Variants in DCC observed in about 807,000 individuals in gnomAD.
DCC encodes the protein DCC netrin 1 receptor, also known as netrin receptor DCC.
A neutral mutation model predicts 172.5 loss-of-function variants in DCC; 58 were observed. The observed-to-expected ratio is 0.34, with a 90% CI of 0.27 to 0.42. The LOEUF (loss-of-function observed/expected upper bound fraction) is 0.42, where lower values mean the gene tolerates loss of function less well. Ranked by LOEUF, DCC falls within the 10% of genes least tolerant of loss-of-function variation. The probability of loss-of-function intolerance (pLI) is 1.00; values close to 1 mark genes in which losing one functional copy is unlikely to be tolerated. For synonymous variants in DCC, 709 were observed against 644.5 expected, an observed-to-expected ratio of 1.10 and a Z score of -1.52; for missense variants, 1,740 against 1,791.0, an observed-to-expected ratio of 0.97 and a Z score of 0.51.
chr18:53,053,644 G>C (rs948677526), intron 5 of DCC, among the ~76,000 whole-genome samples: 2 of 152,102 alleles, frequency 1.3e-5, no homozygotes, highest in Admixed American at 6.6e-5. Flanking sequence ...TACGCTTTTA[G>C]AATAGCCACA....
chr18:52,973,893 G>A (rs549621419), intron 5 of DCC, among the ~76,000 whole-genome samples: 14 of 151,982 alleles, frequency 9.2e-5, no homozygotes, highest in African/African-American at 1.4e-4. Context: ...AATTTCATTC[G>A]GTAGATCAAA....
chr18:53,179,370 AT>A (rs1290544828), intron 9 of DCC, among the ~76,000 whole-genome samples: 2 of 152,174 alleles, frequency 1.3e-5, no homozygotes, highest in African/African-American at 4.8e-5. Context: ...CTACTTATTC[AT>A]TTCCTAAGAA....
At chr18:52,799,944 G>C (rs1461000538) in intron 2 of DCC, among the ~76,000 whole-genome samples, 7 of 152,050 alleles carry the variant, frequency 4.6e-5, no homozygotes, top group African/African-American at 1.2e-4. Context: ...CCACTTGACG[G>C]GGAACTCTGT....
intron 2 of DCC, among the ~76,000 whole-genome samples, chr18:52,847,125 C>T (rs1208093804): frequency 2.6e-5 from 4 of 152,200 alleles, no homozygotes; most frequent in Non-Finnish European, 4.4e-5. Flanking sequence ...AAAATCCCTT[C>T]CTGTAACATA....
intron 12 of DCC, among the ~76,000 whole-genome samples, chr18:53,227,980 G>T (rs184357714): frequency 1.1e-4 from 17 of 152,198 alleles, no homozygotes; most frequent in African/African-American, 3.9e-4. Flanking sequence ...AAACAAAATT[G>T]ATATCTTTTT....
intron 3 of DCC, among the ~76,000 whole-genome samples, chr18:52,912,219 C>A (rs1943094): frequency 0.9 from 136,462 of 152,096 alleles, 61,669 homozygotes; most frequent in Middle Eastern, 0.97. Flanking sequence ...TATAAAATGT[C>A]GCAAGTAATA....
chr18:53,060,049 G>T (rs2042471460), intron 5 of DCC, among the ~76,000 whole-genome samples: 1 of 151,606 alleles, frequency 6.6e-6, no homozygotes, highest in South Asian at 2.1e-4. Context: ...TGTCACCCAG[G>T]CTGGAGAGCA....
At chr18:52,582,536 CA>C (rs768942516) in intron 1 of DCC, among the ~76,000 whole-genome samples, 7 of 152,148 alleles carry the variant, frequency 4.6e-5, no homozygotes, top group Non-Finnish European at 8.8e-5. Flanking sequence ...GTGACAATGC[CA>C]TTGAAGTTTT....
intron 5 of DCC, among the ~76,000 whole-genome samples, chr18:53,031,547 A>T (rs1261404167): frequency 6.6e-6 from 1 of 152,104 alleles, no homozygotes; most frequent in Non-Finnish European, 1.5e-5. Flanking sequence ...TATCTGCAGG[A>T]CTTAGTTATT....
intron 8 of DCC, among the ~76,000 whole-genome samples, chr18:53,164,580 G>C (rs780045839): frequency 1.3e-5 from 2 of 152,090 alleles, no homozygotes; most frequent in Non-Finnish European, 2.9e-5. Flanking sequence ...GTGTGACTTT[G>C]GGCCAATTAC....
chr18:52,653,029 C>T (rs2035173136), intron 1 of DCC, among the ~76,000 whole-genome samples: 1 of 152,114 alleles, frequency 6.6e-6, no homozygotes, highest in Non-Finnish European at 1.5e-5. Flanking sequence ...CCATATTTTA[C>T]TGTCTTTGAA....
At chr18:52,927,323 T>C (rs1311741557) in intron 5 of DCC, among the ~76,000 whole-genome samples, 1 of 151,236 alleles carries the variant, frequency 6.6e-6, no homozygotes, top group Non-Finnish European at 1.5e-5. Context: ...ATTTTTTCTT[T>C]GTGAATTGTG....
intron 1 of DCC, among the ~76,000 whole-genome samples, chr18:52,687,605 T>C (rs1382037986): frequency 6.6e-6 from 1 of 151,928 alleles, no homozygotes; most frequent in Non-Finnish European, 1.5e-5. Flanking sequence ...TGCAAATAAA[T>C]GTAGTTAACG....
chr18:53,146,501 G>A (rs1378633133), intron 7 of DCC, among the ~76,000 whole-genome samples: 3 of 152,174 alleles, frequency 2.0e-5, no homozygotes, highest in African/African-American at 4.8e-5. Context: ...TCCTATTTAC[G>A]AGGGCAGAGC....
chr18:52,821,494 A>G (rs2038406306), intron 2 of DCC, among the ~76,000 whole-genome samples: 1 of 152,262 alleles, frequency 6.6e-6, no homozygotes, highest in East Asian at 1.9e-4. Context: ...AGAGTGTTTT[A>G]TTGTGTTGAC....
At chr18:53,307,906 T>C (rs2057221031) in intron 13 of DCC, among the ~76,000 whole-genome samples, 1 of 15,166 alleles carries the variant, frequency 6.6e-5, no homozygotes, top group East Asian at 1.6e-3. Context: ...TGTATATATA[T>C]ATATATATAT....
At chr18:52,433,884 G>A (rs1411454600) in intron 1 of DCC, among the ~76,000 whole-genome samples, 1 of 152,106 alleles carries the variant, frequency 6.6e-6, no homozygotes, top group African/African-American at 2.4e-5. Flanking sequence ...CTCAAGTGTT[G>A]TCTGGTTTCC....
At chr18:53,213,508 C>T (rs374681269) in intron 11 of DCC, among the ~76,000 whole-genome samples, 15 of 151,700 alleles carry the variant, frequency 9.9e-5, no homozygotes, top group Non-Finnish European at 1.6e-4. Context: ...GTTAACTGGG[C>T]GTGGTGGTGG....
intron 12 of DCC, among the ~76,000 whole-genome samples, chr18:53,278,910 C>G (rs1175166216): frequency 6.6e-6 from 1 of 152,116 alleles, no homozygotes; most frequent in Non-Finnish European, 1.5e-5. Context: ...GACTTATAAT[C>G]CTTTGGGTAT....
Sources: allele counts gnomAD v4.1 joint callset (sites outside exome capture counted in the v4.1 genomes callset), GRCh38; gene constraint gnomAD v4.1.1; transcripts MANE v1.5; gene names NCBI Gene and HGNC (gene_info 2026-07-23, HGNC 2026-07-21).